Variants in GPC5 observed in about 807,000 individuals in gnomAD.
GPC5 encodes the protein glypican 5, also known as glypican-5.
In GPC5, 47 loss-of-function variants were observed where a neutral mutation model predicts 53.9. The observed-to-expected ratio is 0.87, with a 90% CI of 0.69 to 1.11. GPC5 has a LOEUF of 1.11. Ranked by LOEUF, GPC5 falls within the 50% of genes most tolerant of loss-of-function variation. The pLI is 0.00. For missense variants in GPC5, 748 were observed against 713.1 expected (o/e 1.05, Z -0.56); for synonymous variants, 286 against 263.3 (o/e 1.09, Z -0.84).
intron 7 of GPC5, chr13:92,241,477 A>C (rs2042611102): frequency 6.6e-6 from 1 of 152,182 alleles, no homozygotes; most frequent in African/African-American, 2.4e-5. Context: ...AGTTCAAGAA[A>C]TAGAAGGGAA....
chr13:92,363,935 A>T (rs965173734), intron 7 of GPC5, among the ~76,000 whole-genome samples: 6 of 151,818 alleles, frequency 4.0e-5, no homozygotes, highest in African/African-American at 1.5e-4. Flanking sequence ...ATGCCGAAAC[A>T]GTGATTATAA....
chr13:92,804,183 G>T (rs1877012663), intron 7 of GPC5, among the ~76,000 whole-genome samples: 1 of 151,912 alleles, frequency 6.6e-6, no homozygotes, highest in African/African-American at 2.4e-5. Flanking sequence ...TTAGTGCTAA[G>T]GCAGACCTCT....
At chr13:92,583,854 T>C (rs1883446371) in intron 7 of GPC5, among the ~76,000 whole-genome samples, 1 of 152,118 alleles carries the variant, frequency 6.6e-6, no homozygotes, top group African/African-American at 2.4e-5. Flanking sequence ...GTTGTTCTCA[T>C]GATAGTAAGT....
intron 2 of GPC5, among the ~76,000 whole-genome samples, chr13:91,485,236 G>A (rs605685): frequency 0.99 from 148,093 of 149,394 alleles, 73,427 homozygotes; most frequent in Middle Eastern, 1. Flanking sequence ...TTTTGAGACA[G>A]AGTCTTGTTC....
At position 92,813,955 on chromosome 13, in the gene GPC5, C is replaced by T. The variant is rs114687357; in HGVS notation, c.1562-52327C>T. On this transcript the variant is annotated intron_variant, in intron 7 of 7. Coordinates refer to ENST00000377067, the MANE Select transcript of GPC5 (RefSeq NM_004466.6). ...GCCAAAACAATTTGCAAAAATAATT[C>T]GCTTGGAGAAGTTACACTAACTGAC... 7.3e-3 allele frequency among the ~76,000 whole-genome samples: 1,112 copies of T among 151,910 alleles called. 30 individuals are homozygous for T. The highest frequency in any genetic ancestry group is 0.025 in the African/African-American group (1,045 of 41,332).
intron 7 of GPC5, among the ~76,000 whole-genome samples, chr13:92,599,217 G>C (rs1482072711): frequency 6.6e-6 from 1 of 152,112 alleles, no homozygotes; most frequent in South Asian, 2.1e-4. Context: ...CAGACTTATA[G>C]GCAGATGATT....
At chr13:92,291,099 C>A (rs1250766478) in intron 7 of GPC5, among the ~76,000 whole-genome samples, 1 of 152,178 alleles carries the variant, frequency 6.6e-6, no homozygotes, top group Non-Finnish European at 1.5e-5. Flanking sequence ...GGGCTTGGGA[C>A]CTGCAGCCCG....
chr13:92,054,245 A>G (rs2041056367), intron 6 of GPC5, among the ~76,000 whole-genome samples: 1 of 151,404 alleles, frequency 6.6e-6, no homozygotes, highest in African/African-American at 2.4e-5. Flanking sequence ...ACACAAAATA[A>G]ACAGAGATAC....
At chr13:91,517,956 A>C (rs937722665) in intron 2 of GPC5, among the ~76,000 whole-genome samples, 2 of 152,186 alleles carry the variant, frequency 1.3e-5, no homozygotes, top group African/African-American at 2.4e-5. Context: ...GGCCCCTCCC[A>C]CAACATGTGG....
chr13:91,989,043 G>T (rs1343978968), intron 6 of GPC5, among the ~76,000 whole-genome samples: 2 of 151,950 alleles, frequency 1.3e-5, no homozygotes, highest in Non-Finnish European at 2.9e-5. Flanking sequence ...ACAACAAAAA[G>T]CAAAAATGCA....
chr13:92,840,271 T>G (rs1046341791), intron 7 of GPC5, among the ~76,000 whole-genome samples: 4 of 151,832 alleles, frequency 2.6e-5, no homozygotes, highest in African/African-American at 9.7e-5. Context: ...TCACATTTGC[T>G]TTGTCCACTC....
intron 7 of GPC5, among the ~76,000 whole-genome samples, chr13:92,744,281 G>A (rs574457647): frequency 1.7e-3 from 263 of 152,172 alleles, no homozygotes; most frequent in Middle Eastern, 6.8e-3. Flanking sequence ...TAGGGAAAGT[G>A]AGAGCAGGAG....
chr13:92,139,288 T>A (rs1594778593), intron 6 of GPC5, among the ~76,000 whole-genome samples: 2 of 152,360 alleles, frequency 1.3e-5, no homozygotes, highest in East Asian at 3.9e-4. Flanking sequence ...TATAGTCATA[T>A]ATTTCATTTT....
chr13:92,073,639 C>T (rs2041230593), intron 6 of GPC5, among the ~76,000 whole-genome samples: 1 of 152,158 alleles, frequency 6.6e-6, no homozygotes, highest in South Asian at 2.1e-4. Flanking sequence ...CGATGTCTAC[C>T]ATCAATGGTA....
At chr13:92,770,864 G>A (rs1380619106) in intron 7 of GPC5, among the ~76,000 whole-genome samples, 1 of 152,164 alleles carries the variant, frequency 6.6e-6, no homozygotes, top group Non-Finnish European at 1.5e-5. Context: ...CCTAATGCCT[G>A]CGAGGTGTGG....
chr13:92,518,869 G>T (rs1282530872), intron 7 of GPC5, among the ~76,000 whole-genome samples: 1 of 152,132 alleles, frequency 6.6e-6, no homozygotes, highest in Non-Finnish European at 1.5e-5. Flanking sequence ...TCAGTGTGCT[G>T]TATTCAGGAG....
intron 1 of GPC5, among the ~76,000 whole-genome samples, chr13:91,406,261 T>A (rs1877316225): frequency 6.6e-6 from 1 of 152,206 alleles, no homozygotes; most frequent in Non-Finnish European, 1.5e-5. Flanking sequence ...TTCTGATATG[T>A]CTTTTGAACT....
chr13:91,633,544 A>G (rs2034213047), intron 2 of GPC5, among the ~76,000 whole-genome samples: 1 of 152,198 alleles, frequency 6.6e-6, no homozygotes, highest in Non-Finnish European at 1.5e-5. Context: ...TGTCAAACTA[A>G]TTTTAAATTG....
chr13:91,963,878 T>G (rs1215861011), intron 6 of GPC5, among the ~76,000 whole-genome samples: 1 of 152,136 alleles, frequency 6.6e-6, no homozygotes, highest in East Asian at 1.9e-4. Flanking sequence ...TCGTACAAGA[T>G]GTGATGATAA....
Sources: gnomAD v4.1 joint callset for allele counts (sites outside exome capture counted in the v4.1 genomes callset) on GRCh38, gnomAD v4.1.1 for gene constraint, MANE v1.5 for transcripts, NCBI Gene and HGNC (gene_info 2026-07-23, HGNC 2026-07-21) for gene names.